The following RORA variants were observed in gnomAD, a reference collection of about 807,000 sequenced individuals.
RORA encodes RAR related orphan receptor A, also known as nuclear receptor ROR-alpha.
A neutral mutation model predicts 69.5 loss-of-function variants in RORA; 7 were observed. That is an observed-to-expected ratio of 0.10 (90% confidence interval 0.06 to 0.19). The LOEUF is 0.19. RORA is among the 10% of genes least tolerant of loss of function. The pLI is 1.00. For synonymous variants in RORA, 261 were observed against 240.8 expected (o/e 1.08, Z -0.78); for missense variants, 457 against 663.0 (o/e 0.69, Z 3.41).
intron 1 of RORA, among the ~76,000 whole-genome samples, chr15:61,056,653 T>C (rs2078100836): frequency 6.6e-6 from 1 of 152,042 alleles, no homozygotes; most frequent in African/African-American, 2.4e-5. Context: ...TCAAAACAAA[T>C]AGAAACATGA....
At chr15:60,849,033 A>G (rs1303946854) in intron 1 of RORA, 3 of 152,230 alleles carry the variant, frequency 2.0e-5, no homozygotes, top group Non-Finnish European at 2.9e-5. Flanking sequence ...TAGGAAATCA[A>G]TATACCTCCC....
intron 5 of RORA, among the ~76,000 whole-genome samples, chr15:60,507,330 G>C (rs1486943538): frequency 6.6e-6 from 1 of 152,116 alleles, no homozygotes; most frequent in African/African-American, 2.4e-5. Flanking sequence ...TTTTTGTTTG[G>C]AAATTTGTTA....
chr15:61,027,151 T>C (rs1895862641), intron 1 of RORA, among the ~76,000 whole-genome samples: 1 of 152,270 alleles, frequency 6.6e-6, no homozygotes, highest in African/African-American at 2.4e-5. Context: ...CGAGGGTCCA[T>C]TACTATCATA....
intron 1 of RORA, among the ~76,000 whole-genome samples, chr15:61,198,409 T>A (rs1596066143): frequency 6.6e-6 from 1 of 152,128 alleles, no homozygotes; most frequent in South Asian, 2.1e-4. Context: ...CATATCCACA[T>A]CTGCATTTGC....
chr15:61,069,903 C>G (rs977014639), intron 1 of RORA, among the ~76,000 whole-genome samples: 2 of 152,126 alleles, frequency 1.3e-5, no homozygotes, highest in African/African-American at 4.8e-5. Context: ...AGAATAAACC[C>G]AAAGTCCATT....
At chr15:60,873,263 CTGTGT>C (rs2073578310) in intron 1 of RORA, among the ~76,000 whole-genome samples, 1 of 123,400 alleles carries the variant, frequency 8.1e-6, no homozygotes, top group Admixed American at 8.4e-5. Context: ...GTGTGTGTGT[CTGTGT>C]GTGTGTGTCT....
intron 1 of RORA, among the ~76,000 whole-genome samples, chr15:60,731,777 T>C (rs1025325458): frequency 6.6e-6 from 1 of 152,220 alleles, no homozygotes; most frequent in Non-Finnish European, 1.5e-5. Flanking sequence ...TGAAATACAG[T>C]TTGTTATTCA....
At chr15:60,931,516 A>G (rs945592166) in intron 1 of RORA, among the ~76,000 whole-genome samples, 2 of 152,234 alleles carry the variant, frequency 1.3e-5, no homozygotes, top group African/African-American at 4.8e-5. Flanking sequence ...CCGACATTTG[A>G]TTACTCCTTT....
At chr15:61,200,180 GAGAGTCGGGAAA>G (rs2079882455) in intron 1 of RORA, among the ~76,000 whole-genome samples, 1 of 152,196 alleles carries the variant, frequency 6.6e-6, no homozygotes, top group Non-Finnish European at 1.5e-5. Flanking sequence ...ACCTTGACAG[GAGAGTCGGGAAA>G]AGAGTCATTC....
chr15:60,761,364 A>G (rs2140872306), intron 1 of RORA, among the ~76,000 whole-genome samples: 1 of 152,250 alleles, frequency 6.6e-6, no homozygotes, highest in Non-Finnish European at 1.5e-5. Flanking sequence ...GCAATGAATC[A>G]TTCTTTGATG....
intron 2 of RORA, among the ~76,000 whole-genome samples, chr15:60,573,593 C>CTGTCATAGT (rs1293802937): frequency 1.3e-5 from 2 of 152,182 alleles, no homozygotes; most frequent in African/African-American, 4.8e-5. Context: ...GGGTGAGAGC[C>CTGTCATAGT]TGTCATAGTT....
intron 1 of RORA, among the ~76,000 whole-genome samples, chr15:61,077,274 A>G (rs920229): frequency 0.72 from 109,817 of 151,842 alleles, 40,231 homozygotes; most frequent in Admixed American, 0.8. Flanking sequence ...GAGAGAGAAC[A>G]AACAAATGAT....
intron 1 of RORA, among the ~76,000 whole-genome samples, chr15:61,006,029 C>T (rs1338647335): frequency 3.3e-5 from 5 of 151,968 alleles, no homozygotes; most frequent in African/African-American, 7.3e-5. Context: ...AGTGCAGTGG[C>T]GCGATCTTGG....
chr15:60,700,092 A>T (rs2070961403), intron 1 of RORA, among the ~76,000 whole-genome samples: 2 of 152,196 alleles, frequency 1.3e-5, no homozygotes, highest in African/African-American at 4.8e-5. Context: ...TGTGCTCATT[A>T]GGAGAAGTAG....
intron 1 of RORA, among the ~76,000 whole-genome samples, chr15:60,952,337 C>G (rs1340533973): frequency 1.3e-5 from 2 of 152,054 alleles, no homozygotes; most frequent in East Asian, 1.9e-4. Flanking sequence ...CAATATCATA[C>G]TGAATGGGCA....
intron 1 of RORA, among the ~76,000 whole-genome samples, chr15:61,168,211 T>TGC (rs111565360): frequency 6.8e-6 from 1 of 146,184 alleles, no homozygotes; most frequent in East Asian, 1.9e-4. Flanking sequence ...CGCGCGTGCG[T>TGC]GCGTGCGTGT....
intron 1 of RORA, among the ~76,000 whole-genome samples, chr15:60,845,255 T>C (rs936790447): frequency 2.0e-5 from 3 of 152,198 alleles, no homozygotes; most frequent in Admixed American, 6.5e-5. Context: ...GATCTCAGCA[T>C]TGATTTATCG....
chr15:61,017,673 A>G (rs1285950428), intron 1 of RORA, among the ~76,000 whole-genome samples: 1 of 152,218 alleles, frequency 6.6e-6, no homozygotes, highest in Non-Finnish European at 1.5e-5. Context: ...AACAAAAACC[A>G]GGAAGCAAGA....
rs185266152 is a variant in RORA at position 60,685,801 on chromosome 15, C to G, written c.167-7115G>C. On this transcript the variant is annotated intron_variant, in intron 1 of 10. Coordinates refer to ENST00000335670, the MANE Select transcript of RORA (RefSeq NM_134261.3). ...CACGTGGAAGGCATCAAAGCATTAGCAATGTTACGACAATCAAACATTTTG... is the reference window on the plus strand; with the variant it reads ...CACGTGGAAGGCATCAAAGCATTAGGAATGTTACGACAATCAAACATTTTG... Among the ~76,000 whole-genome samples, 5 of 152,228 alleles carry G rather than the reference C, an allele frequency of 3.3e-5. No homozygotes were observed. In the East Asian group the frequency reaches 9.6e-4, roughly 29 times the overall value.
Sources: gnomAD v4.1 joint callset for allele counts (sites outside exome capture counted in the v4.1 genomes callset) on GRCh38, gnomAD v4.1.1 for gene constraint, MANE v1.5 for transcripts, NCBI Gene and HGNC (gene_info 2026-07-23, HGNC 2026-07-21) for gene names.